Variants in FIGNL2 observed in about 807,000 individuals in gnomAD.
FIGNL2 encodes the protein fidgetin like 2.
For synonymous variants in FIGNL2, 565 were observed against 484.0 expected, an observed-to-expected ratio of 1.17 and a Z score of -2.20; for missense variants, 1,060 against 950.2, an observed-to-expected ratio of 1.12 and a Z score of -1.52.
chr12:51,837,620 C>T (rs1939600417), intron 1 of FIGNL2, among the ~76,000 whole-genome samples: 1 of 152,238 alleles, frequency 6.6e-6, no homozygotes, highest in South Asian at 2.1e-4. Context: ...CCCCCTTCTT[C>T]CCAACAGCCC....
intron 1 of FIGNL2, among the ~76,000 whole-genome samples, chr12:51,834,863 C>T (rs896033511): frequency 6.6e-6 from 1 of 152,218 alleles, no homozygotes; most frequent in Non-Finnish European, 1.5e-5. Flanking sequence ...TCATAGTTAT[C>T]CATCGTTTTC....
At chr12:51,843,518 A>G (rs951010893) in intron 1 of FIGNL2, among the ~76,000 whole-genome samples, 21 of 151,260 alleles carry the variant, frequency 1.4e-4, no homozygotes, top group Admixed American at 1.3e-3. Context: ...ACTGCACTGC[A>G]GCCTGGGTGA....
intron 1 of FIGNL2, chr12:51,823,517 C>G (rs1454516953): frequency 1.3e-5 from 2 of 152,200 alleles, no homozygotes; most frequent in Non-Finnish European, 2.9e-5. Context: ...GGAGATGTTC[C>G]TTGGCTGTTC....
rs1028811074 is a variant in FIGNL2, at chr12:51,821,874, G to T, written c.540C>A (p.Pro180=). 4.2e-5 allele frequency: 56 copies of T among 1,320,158 alleles called. No homozygotes were observed. The African/African-American group carries it at 8.5e-4, about 20-fold the overall frequency. The allele number at this position is 1,320,158 out of a possible 1,614,324, so 81.8% of individuals were successfully genotyped here. ...GCAGGAGCGCGGCCGGGGGCGGCGG[G>T]GGCAGCGCGGCGCCCGTCTGCGCGC... ...GYCAQTGAAL[P]PPPPAALLQP... is the part of the protein sequence containing the mutation. The change falls in exon 2 of 2, where the codon CCC becomes CCA. Residue 180 remains proline (P), a synonymous_variant. Transcript: ENST00000618634.
chr12:51,847,171 C>T, intron 1 of FIGNL2: 2 of 985,404 alleles, frequency 2.0e-6, no homozygotes, highest in East Asian at 1.1e-4. Flanking sequence ...GACTGAGAGG[C>T]TCGGGGAGGC....
chr12:51,846,535 A>C (rs1939753862), intron 1 of FIGNL2, among the ~76,000 whole-genome samples: 1 of 152,136 alleles, frequency 6.6e-6, no homozygotes, highest in African/African-American at 2.4e-5. Flanking sequence ...GAAAGGCAGG[A>C]AAGGGCTCTG....
chr12:51,845,381 C>A, intron 1 of FIGNL2: 1 of 804,232 alleles, frequency 1.2e-6, no homozygotes, highest in Non-Finnish European at 1.5e-6. Context: ...AGACAGCCAG[C>A]TCCCAAAAGG....
intron 1 of FIGNL2, among the ~76,000 whole-genome samples, chr12:51,825,369 T>C (rs988306050): frequency 6.6e-6 from 1 of 152,064 alleles, no homozygotes; most frequent in African/African-American, 2.4e-5. Flanking sequence ...GCCCAGACTT[T>C]TGGGCCAGGC....
At chr12:51,828,153 C>A (rs901298120) in intron 1 of FIGNL2, 2 of 152,282 alleles carry the variant, frequency 1.3e-5, no homozygotes, top group Non-Finnish European at 2.9e-5. Context: ...TCAGAGCAGG[C>A]AGGAGAATTT....
rs1005353065 is a variant in FIGNL2, at chr12:51,817,900, A to T, written c.*2552T>A. ...GCCCCCGAGAAATCTTCTGCAAACC[A>T]CATGTCATCGCTTTAATACTGTGTA... On this transcript the variant is annotated 3_prime_UTR_variant, in exon 2 of 2. Coordinates refer to ENST00000618634, the MANE Select transcript of FIGNL2 (RefSeq NM_001384995.1). 1 of 152,534 alleles carries T rather than the reference A, an allele frequency of 6.6e-6. No individual in the cohort carries two copies. The highest frequency in any genetic ancestry group is 1.5e-5 in the Non-Finnish European group (1 of 68,050). The allele number at this position is 152,534 out of a possible 1,614,324, so 9.4% of individuals were successfully genotyped here.
rs1037686926 is a variant in FIGNL2 at position 51,846,921 on chromosome 12, G to C, written c.-12+1619C>G. 4.7e-6 allele frequency: 4 copies of C among 842,510 alleles called. No individual in the cohort carries two copies. In the African/African-American group the frequency reaches 7.3e-5, roughly 15 times the overall value. 52.2% of individuals were successfully genotyped at this position (842,510 alleles called of 1,614,324 possible). On this transcript the variant is annotated intron_variant, in intron 1 of 1. Coordinates refer to ENST00000618634, the MANE Select transcript of FIGNL2 (RefSeq NM_001384995.1). ...GAATCAAGTGGAAAGAAATGAAATG[G>C]TGTTAAACATGGGAAAGGGGATTTA...
At position 51,821,750 on chromosome 12, in the gene FIGNL2, G is replaced by A. The variant is rs1248195632; in HGVS notation, c.664C>T (p.Pro222Ser). ...TAGGGGGCCGGGGGTGGGCCTGGGGGCGGCGGGAGCGCGCCATAGCCGGGC... is the reference window on the plus strand; with the variant it reads ...TAGGGGGCCGGGGGTGGGCCTGGGGACGGCGGGAGCGCGCCATAGCCGGGC... Reference protein sequence around the residue: ...AQPGYGALPPPPGPPPAPYLT... With the variant: ...AQPGYGALPPSPGPPPAPYLT... The change falls in exon 2 of 2, where the codon CCC becomes TCC. Residue 222 changes from proline (P) to serine (S), a missense_variant. Coordinates refer to ENST00000618634, the MANE Select transcript of FIGNL2 (RefSeq NM_001384995.1). 7.8e-7 allele frequency: 1 copy of A among 1,285,232 alleles called. No homozygotes were observed. 79.6% of individuals were successfully genotyped at this position (1,285,232 alleles called of 1,614,324 possible).
chr12:51,846,919 T>C lies in FIGNL2; in HGVS notation c.-12+1621A>G, dbSNP rs577279157. ...TGGAATCAAGTGGAAAGAAATGAAATGGTGTTAAACATGGGAAAGGGGATT... is the reference window on the plus strand; with the variant it reads ...TGGAATCAAGTGGAAAGAAATGAAACGGTGTTAAACATGGGAAAGGGGATT... On this transcript the variant is annotated intron_variant, in intron 1 of 1. Coordinates refer to ENST00000618634, the MANE Select transcript of FIGNL2 (RefSeq NM_001384995.1). The C allele has an allele frequency of 2.4e-4, 198 of 835,208 alleles. No individual in the cohort carries two copies. The African/African-American group carries it at 3.3e-3, about 14-fold the overall frequency. The allele number at this position is 835,208 out of a possible 1,614,324, so 51.7% of individuals were successfully genotyped here.
At chr12:51,841,197 T>C (rs303788) in intron 1 of FIGNL2, among the ~76,000 whole-genome samples, 138,651 of 152,290 alleles carry the variant, frequency 0.91, 63,152 homozygotes, top group East Asian at 0.97. Flanking sequence ...GGTGGCCCCC[T>C]ACACCTGCAG....
intron 1 of FIGNL2, chr12:51,847,100 G>T (rs993201516): frequency 1.0e-6 from 1 of 985,242 alleles, no homozygotes; most frequent in Non-Finnish European, 1.2e-6. Context: ...CCACAGCACC[G>T]GGCAGCCCGG....
rs1939077266 is a variant in FIGNL2 at position 51,817,907 on chromosome 12, A to G, written c.*2545T>C. ...AGAAATCTTCTGCAAACCACATGTC[A>G]TCGCTTTAATACTGTGTAATACTTT... On this transcript the variant is annotated 3_prime_UTR_variant, in exon 2 of 2. Transcript: ENST00000618634. The G allele has an allele frequency of 6.6e-6, 1 of 152,574 alleles. No homozygotes were observed. The highest frequency in any genetic ancestry group is 2.1e-4 in the South Asian group (1 of 4,816). The allele number at this position is 152,574 out of a possible 1,614,324, so 9.5% of individuals were successfully genotyped here. A position where few individuals can be genotyped will look rare whatever the true frequency, so the allele number is the denominator to read the frequency against.
At position 51,845,462 on chromosome 12, in the gene FIGNL2, C is replaced by A. The variant is rs1190689933; in HGVS notation, c.-12+3078G>T. The A allele has an allele frequency of 1.6e-5, 13 of 812,210 alleles. No individual in the cohort carries two copies. The South Asian group carries it at 3.5e-4, about 22-fold the overall frequency. The allele number at this position is 812,210 out of a possible 1,614,324, so 50.3% of individuals were successfully genotyped here. On this transcript the variant is annotated intron_variant, in intron 1 of 1. Coordinates refer to ENST00000618634, the MANE Select transcript of FIGNL2 (RefSeq NM_001384995.1). ...TACTTGACCTCTTGTGGCTCACCGC[C>A]CCCCCCCCACAGTCTCTGTCCCCTG... is the stretch of plus-strand genomic sequence containing the variant.
At chr12:51,836,732 G>A (rs1024979333) in intron 1 of FIGNL2, among the ~76,000 whole-genome samples, 2 of 152,184 alleles carry the variant, frequency 1.3e-5, no homozygotes, top group African/African-American at 4.8e-5. Context: ...ATAGGAGGAT[G>A]TAGAGGTGGG....
chr12:51,830,669 T>C lies in FIGNL2; in HGVS notation c.-11-8245A>G, dbSNP rs538259404. Reference sequence around the variant, plus strand: ...ACTACACCCAGCTAATTTTCTGTATTTTTAGTAGAGATGGGGTTTCACCAT... The same window carrying C: ...ACTACACCCAGCTAATTTTCTGTATCTTTAGTAGAGATGGGGTTTCACCAT... On this transcript the variant is annotated intron_variant, in intron 1 of 1. Transcript: ENST00000618634. Among the ~76,000 whole-genome samples, 69 of 151,882 alleles carry C rather than the reference T, an allele frequency of 4.5e-4. 1 individual carries two copies. Among genetic ancestry groups the C allele is most frequent in the Middle Eastern group, 3.4e-3 (1 of 294 alleles).
Sources: allele counts gnomAD v4.1 joint callset (sites outside exome capture counted in the v4.1 genomes callset), GRCh38; gene constraint gnomAD v4.1.1; transcripts MANE v1.5; gene names NCBI Gene and HGNC (gene_info 2026-07-23, HGNC 2026-07-21).